Variants in TMEM232 observed in about 807,000 individuals in gnomAD.
TMEM232 encodes the protein transmembrane protein 232.
In TMEM232, 80 loss-of-function variants were observed where a neutral mutation model predicts 78.8. The observed-to-expected ratio is 1.01, with a 90% confidence interval of 0.85 to 1.22. The LOEUF (loss-of-function observed/expected upper bound fraction) is 1.22. Ranked by LOEUF, TMEM232 falls within the 50% of genes most tolerant of loss-of-function variation. TMEM232 has a pLI of 0.00. For synonymous variants in TMEM232, 297 were observed against 254.3 expected (o/e 1.17, Z -1.60); for missense variants, 881 against 742.2 (o/e 1.19, Z -2.17).
chr5:110,579,647 T>C (rs1208300652), intron 10 of TMEM232, among the ~76,000 whole-genome samples: 1 of 151,524 alleles, frequency 6.6e-6, no homozygotes, highest in Non-Finnish European at 1.5e-5. Flanking sequence ...AGACCCATAT[T>C]AATCTCAAAG....
At chr5:110,396,937 A>G (rs1272154303) in intron 3 of TMEM232, among the ~76,000 whole-genome samples, 1 of 152,150 alleles carries the variant, frequency 6.6e-6, no homozygotes, top group Non-Finnish European at 1.5e-5. Context: ...TCGTAACTCG[A>G]AAAAGTGGCC....
intron 3 of TMEM232, among the ~76,000 whole-genome samples, chr5:110,394,744 A>C (rs1198505724): frequency 2.6e-5 from 4 of 152,130 alleles, no homozygotes; most frequent in Admixed American, 1.3e-4. Context: ...TATAATTTCC[A>C]AATCATCTAG....
intron 11 of TMEM232, among the ~76,000 whole-genome samples, chr5:110,553,797 T>G (rs976366841): frequency 3.3e-5 from 5 of 152,156 alleles, no homozygotes; most frequent in Non-Finnish European, 7.4e-5. Context: ...TCTTGTTTTG[T>G]TTCTCAAGGG....
At chr5:110,431,290 C>T (rs373017975) in intron 12 of TMEM232, among the ~76,000 whole-genome samples, 32 of 151,490 alleles carry the variant, frequency 2.1e-4, no homozygotes, top group Admixed American at 1.3e-3. Flanking sequence ...ATCTACAAAA[C>T]GAGAGAGGCC....
chr5:110,590,005 T>C (rs1172090524), intron 10 of TMEM232, among the ~76,000 whole-genome samples: 1 of 152,152 alleles, frequency 6.6e-6, no homozygotes, highest in Non-Finnish European at 1.5e-5. Context: ...AACTTTCCTG[T>C]AGCTTAACTC....
chr5:110,596,020 C>T (rs982996301), intron 10 of TMEM232, among the ~76,000 whole-genome samples: 2 of 152,076 alleles, frequency 1.3e-5, no homozygotes, highest in African/African-American at 2.4e-5. Flanking sequence ...TAAGGGCAGC[C>T]AGAGAGAAAG....
chr5:110,646,663 C>A (rs141802079), intron 2 of TMEM232, among the ~76,000 whole-genome samples: 3 of 151,636 alleles, frequency 2.0e-5, no homozygotes, highest in Non-Finnish European at 4.4e-5. Context: ...CCACTATGAA[C>A]CCAAAAGCAA....
At chr5:110,602,985 T>A (rs1781129924) in intron 10 of TMEM232, among the ~76,000 whole-genome samples, 1 of 152,154 alleles carries the variant, frequency 6.6e-6, no homozygotes, top group African/African-American at 2.4e-5. Context: ...GTTCATGTCC[T>A]TTGTGGGGAC....
intron 11 of TMEM232, among the ~76,000 whole-genome samples, chr5:110,533,637 C>T (rs901492947): frequency 1.3e-5 from 2 of 152,200 alleles, no homozygotes; most frequent in East Asian, 3.9e-4. Context: ...TGTACTCACT[C>T]TTTGTTAAGT....
intron 1 of TMEM232, among the ~76,000 whole-genome samples, chr5:110,703,369 TG>T (rs1400939975): frequency 6.6e-6 from 1 of 152,052 alleles, no homozygotes; most frequent in Non-Finnish European, 1.5e-5. Flanking sequence ...GCTTACTCAC[TG>T]GGGACCTAAG....
intron 12 of TMEM232, among the ~76,000 whole-genome samples, chr5:110,452,689 G>A (rs561298158): frequency 6.6e-6 from 1 of 152,198 alleles, no homozygotes; most frequent in South Asian, 2.1e-4. Context: ...GAAGAGTCAG[G>A]GATAAAGGAT....
intron 1 of TMEM232, among the ~76,000 whole-genome samples, chr5:110,682,677 C>CA (rs1289582547): frequency 6.6e-6 from 1 of 151,928 alleles, no homozygotes; most frequent in African/African-American, 2.4e-5. Context: ...TATTCTAGTA[C>CA]AAAAAATGTA....
intron 12 of TMEM232, among the ~76,000 whole-genome samples, chr5:110,428,932 A>C (rs1301469896): frequency 6.6e-6 from 1 of 151,860 alleles, no homozygotes; most frequent in Non-Finnish European, 1.5e-5. Flanking sequence ...AAGGCTCAGG[A>C]AAAGAAAATA....
rs540738157 is a variant in TMEM232, at chr5:110,613,318, T to C, written c.902+5111A>G. Among the ~76,000 whole-genome samples, 7 of 152,280 alleles carry C rather than the reference T, an allele frequency of 4.6e-5. No individual in the cohort carries two copies. In the East Asian group the frequency reaches 1.4e-3, roughly 29 times the overall value. On this transcript the variant is annotated intron_variant, in intron 8 of 13. Transcript: ENST00000455884. ...GCAGGGAGATACATGATGAATTATC[T>C]ACTGACCAATAGCATCAGAAATGGG...
chr5:110,514,668 C>T (rs1768337036), intron 12 of TMEM232, among the ~76,000 whole-genome samples: 1 of 152,032 alleles, frequency 6.6e-6, no homozygotes, highest in African/African-American at 2.4e-5. Context: ...AGACTTTTTA[C>T]ATTTTTTTTC....
chr5:110,507,965 T>C (rs1767137396), intron 12 of TMEM232, among the ~76,000 whole-genome samples: 1 of 152,228 alleles, frequency 6.6e-6, no homozygotes, highest in Non-Finnish European at 1.5e-5. Flanking sequence ...CTTTGCTTGA[T>C]ATCTGTATGC....
chr5:110,636,925 G>C (rs1274221911), intron 5 of TMEM232, among the ~76,000 whole-genome samples: 1 of 151,948 alleles, frequency 6.6e-6, no homozygotes, highest in African/African-American at 2.4e-5. Context: ...TATGCTCCAT[G>C]CATAAAACTA....
chr5:110,476,236 G>A (rs76494474), intron 12 of TMEM232, among the ~76,000 whole-genome samples: 3,019 of 151,950 alleles, frequency 0.02, 93 homozygotes, highest in African/African-American at 0.069. Flanking sequence ...GCTTTTAAAA[G>A]GTAATTAATG....
rs78737441 is a variant in TMEM232, at chr5:110,622,256, T to G, written c.768+3011A>C. On this transcript the variant is annotated intron_variant, in intron 7 of 13. Transcript: ENST00000455884. The stretch of plus-strand genomic sequence containing the variant: ...GTAATGCCTTTGGCTTATCAAAAAG[T>G]ATTACAGAATGAGATTGCTAATCAT... Among the ~76,000 whole-genome samples the G allele has an allele frequency of 6.1e-3, 932 of 152,274 alleles. 10 individuals carry two copies. Among genetic ancestry groups the G allele is most frequent in the African/African-American group, 0.021 (873 of 41,558 alleles).
Sources: allele counts gnomAD v4.1 joint callset (sites outside exome capture counted in the v4.1 genomes callset), GRCh38; gene constraint gnomAD v4.1.1; transcripts MANE v1.5; gene names NCBI Gene and HGNC (gene_info 2026-07-23, HGNC 2026-07-21).